PTCH1: variants seen among roughly 807,000 people sequenced by gnomAD.
PTCH1 encodes the protein protein patched homolog 1.
PTCH1 carries 14 observed loss-of-function variants against 144.6 expected under a neutral mutation model. That is an observed-to-expected ratio of 0.10 (90% CI 0.06 to 0.15). The LOEUF (loss-of-function observed/expected upper bound fraction) is 0.15. Among genes scored for constraint, PTCH1 ranks in the 10% least tolerant of loss-of-function variants. The pLI, the probability that PTCH1 is intolerant of heterozygous loss-of-function variation, is 1.00. For synonymous variants in PTCH1, 833 were observed against 793.6 expected, an observed-to-expected ratio of 1.05 and a Z score of -0.83; for missense variants, 1,623 against 1,948.3, an observed-to-expected ratio of 0.83 and a Z score of 3.14.
intron 15 of PTCH1, among the ~76,000 whole-genome samples, chr9:95,464,834 A>G (rs1288759014): frequency 6.6e-6 from 1 of 152,246 alleles, no homozygotes; most frequent in Non-Finnish European, 1.5e-5. Flanking sequence ...AAGCTGACTC[A>G]AGGATAATTG....
chr9:95,448,230 C>T (rs969110654), intron 22 of PTCH1, among the ~76,000 whole-genome samples: 4 of 152,218 alleles, frequency 2.6e-5, no homozygotes, highest in Non-Finnish European at 4.4e-5. Flanking sequence ...CAGCGGGCGT[C>T]GTCGCGGGGG....
exon 1 of PTCH1, chr9:95,516,507 CGATGGCGCGGACGCT>C: frequency 6.5e-7 from 1 of 1,537,434 alleles, no homozygotes; most frequent in Non-Finnish European, 8.7e-7. Context: ...GCGCGGGTGC[CGATGGCGCGGACGCT>C]GGGCTTGGAT....
rs768215021 is a variant in PTCH1, at chr9:95,456,321, G to A, written c.3261C>T (p.Ile1087=). ...KLSAVPVVIL[I]ASVGIGVEFT... Reference sequence around the variant, plus strand: ...ACTCCACTCCTATGCCAACAGAAGCGATCAGGATGACCACGGGCACGGCAC... The same window carrying A: ...ACTCCACTCCTATGCCAACAGAAGCAATCAGGATGACCACGGGCACGGCAC... Residue 1087 remains isoleucine, a synonymous_variant, in exon 19 of 24, where the codon ATC becomes ATT. Coordinates refer to ENST00000331920, the MANE Select transcript of PTCH1 (RefSeq NM_000264.5). The A allele has an allele frequency of 1.1e-5, 18 of 1,613,950 alleles. No individual in the cohort carries two copies. The highest frequency in any genetic ancestry group is 7.7e-5 in the South Asian group (7 of 91,084).
rs1047670095 is a variant in PTCH1, at chr9:95,449,579, T to C, written c.3550-256A>G. On this transcript the variant is annotated intron_variant, in intron 21 of 23. Coordinates refer to ENST00000331920, the MANE Select transcript of PTCH1 (RefSeq NM_000264.5). This position sits in a 1 kb window ranked among gnomAD's most constrained non-coding sequence, Gnocchi z 5.3. Reference sequence around the variant, plus strand: ...TACTCTTGTGAAGTCCAATTATGCATCTCAAGGGGAAAGTCTTCATTTACT... The same window carrying C: ...TACTCTTGTGAAGTCCAATTATGCACCTCAAGGGGAAAGTCTTCATTTACT... The C allele has an allele frequency of 6.3e-6, 4 of 632,726 alleles. No homozygotes were observed. Among genetic ancestry groups the C allele is most frequent in the Non-Finnish European group, 1.1e-5 (4 of 363,916 alleles). The allele number at this position is 632,726 out of a possible 1,614,324, so 39.2% of individuals were successfully genotyped here.
intron 2 of PTCH1, among the ~76,000 whole-genome samples, chr9:95,503,943 G>A (rs539831210): frequency 1.9e-5 from 2 of 102,962 alleles, no homozygotes; most frequent in South Asian, 2.9e-4. Context: ...GTGAACCCAG[G>A]AAGTGGAGCT....
chr9:95,484,771 C>T (rs1054566004), intron 3 of PTCH1, among the ~76,000 whole-genome samples: 1 of 152,202 alleles, frequency 6.6e-6, no homozygotes, highest in African/African-American at 2.4e-5. Context: ...TGAAAACAGA[C>T]AAGAGGTGGC....
intron 7 of PTCH1, among the ~76,000 whole-genome samples, chr9:95,479,637 C>T (rs543655373): frequency 3.3e-5 from 5 of 152,282 alleles, no homozygotes; most frequent in Admixed American, 1.3e-4. Flanking sequence ...CTGTGCAGCT[C>T]GCACCACCAA....
intron 2 of PTCH1, among the ~76,000 whole-genome samples, chr9:95,489,947 C>T (rs1842254629): frequency 6.6e-6 from 1 of 151,448 alleles, no homozygotes; most frequent in African/African-American, 2.4e-5. Flanking sequence ...ACTACAGGCG[C>T]CCGCCACCAG....
In PTCH1 at chr9:95,446,094, C is replaced by T. The variant is rs554847485; in HGVS notation, c.*299G>A. On this transcript the variant is annotated 3_prime_UTR_variant, in exon 24 of 24. Coordinates refer to ENST00000331920, the MANE Select transcript of PTCH1 (RefSeq NM_000264.5). The stretch of plus-strand genomic sequence containing the variant: ...TGAAGCTTGGTTGTGGCACGGAGCC[C>T]AATGCACAAATACGGAGAGGCCCCA... 4.6e-6 allele frequency: 1 copy of T among 215,792 alleles called. No homozygotes were observed. The highest frequency in any genetic ancestry group is 2.2e-5 in the African/African-American group (1 of 45,110). 13.4% of individuals were successfully genotyped at this position (215,792 alleles called of 1,614,324 possible).
At chr9:95,511,752 A>G (rs141138533), upstream of PTCH1, among the ~76,000 whole-genome samples, 4 of 152,216 alleles carry the variant, frequency 2.6e-5, no homozygotes, top group African/African-American at 7.2e-5. Flanking sequence ...GAGGTTTACT[A>G]TTCTAGCTTT....
intron 19 of PTCH1, among the ~76,000 whole-genome samples, chr9:95,453,889 T>G (rs1206308133): frequency 6.6e-6 from 1 of 152,194 alleles, no homozygotes; most frequent in Non-Finnish European, 1.5e-5. Context: ...TCCCCTTCTT[T>G]TCACTGATAC....
intron 12 of PTCH1, chr9:95,474,066 C>T: frequency 2.0e-6 from 1 of 501,250 alleles, no homozygotes; most frequent in South Asian, 1.5e-5. Context: ...CGTAAGGAAA[C>T]CTCATGTAGC....
At chr9:95,515,234 G>A (rs76975402) in intron 1 of PTCH1, among the ~76,000 whole-genome samples, 1 of 152,056 alleles carries the variant, frequency 6.6e-6, no homozygotes, top group Admixed American at 6.5e-5. Context: ...CACACACACA[G>A]AATGCTGAAA....
chr9:95,467,776 T>G (rs1840152879), intron 14 of PTCH1, among the ~76,000 whole-genome samples: 1 of 151,916 alleles, frequency 6.6e-6, no homozygotes, highest in Admixed American at 6.6e-5. Context: ...GCTATTTTTT[T>G]TTGTATTTTT....
At chr9:95,504,091 G>A (rs982758336) in intron 2 of PTCH1, among the ~76,000 whole-genome samples, 1 of 132,528 alleles carries the variant, frequency 7.5e-6, no homozygotes, top group Non-Finnish European at 1.6e-5. Flanking sequence ...TTATTGAATC[G>A]TAAGGCATGC....
At chr9:95,511,639 C>G (rs545550024), upstream of PTCH1, among the ~76,000 whole-genome samples, 1 of 152,332 alleles carries the variant, frequency 6.6e-6, no homozygotes, top group South Asian at 2.1e-4. Flanking sequence ...GAAAATGACA[C>G]TGAGTTGATA....
chr9:95,485,879 C>A lies in PTCH1; in HGVS notation c.395-5G>T. Reference sequence around the variant, plus strand: ...CACGACTTACTCGTCCTCCAACTGACAAATATGTACAGGTTTAATTAGAAT... The same window carrying A: ...CACGACTTACTCGTCCTCCAACTGAAAAATATGTACAGGTTTAATTAGAAT... On this transcript the variant is annotated splice_region_variant and splice_polypyrimidine_tract_variant and intron_variant, in intron 2 of 23. Coordinates refer to ENST00000331920, the MANE Select transcript of PTCH1 (RefSeq NM_000264.5). 1.9e-6 allele frequency: 3 copies of A among 1,614,116 alleles called. No individual in the cohort carries two copies. The highest frequency in any genetic ancestry group is 2.5e-6 in the Non-Finnish European group (3 of 1,180,006).
In PTCH1 at chr9:95,446,367, C is replaced by G. The variant is rs779544325; in HGVS notation, c.*26G>C. The G allele has an allele frequency of 2.7e-5, 14 of 518,568 alleles. No individual in the cohort carries two copies. Among genetic ancestry groups the G allele is most frequent in the South Asian group, 2.0e-4 (14 of 71,344 alleles). The allele number at this position is 518,568 out of a possible 1,614,324, so 32.1% of individuals were successfully genotyped here. A position where few individuals can be genotyped will look rare whatever the true frequency, so the allele number is the denominator to read the frequency against. ...GGGTGGGGGGTTTCCAATCTTTGGC[C>G]TCTTTGCTTCAGATTTTAATCACCC... On this transcript the variant is annotated 3_prime_UTR_variant, in exon 24 of 24. Coordinates refer to ENST00000331920, the MANE Select transcript of PTCH1 (RefSeq NM_000264.5).
At chr9:95,511,793 G>A (rs1844171804), upstream of PTCH1, among the ~76,000 whole-genome samples, 1 of 152,212 alleles carries the variant, frequency 6.6e-6, no homozygotes, top group East Asian at 1.9e-4. Context: ...GACACTTCAA[G>A]TCGAACCATT....
Sources: allele counts gnomAD v4.1 joint callset (sites outside exome capture counted in the v4.1 genomes callset), GRCh38; gene constraint gnomAD v4.1.1; non-coding constraint Gnocchi (gnomAD v3.1); transcripts MANE v1.5; gene names NCBI Gene and HGNC (gene_info 2026-07-23, HGNC 2026-07-21).